LRP1B: variants seen among roughly 807,000 people sequenced by gnomAD.
LRP1B encodes LDL receptor related protein 1B, also known as low-density lipoprotein receptor-related protein 1B.
In LRP1B, 217 loss-of-function variants were observed where a neutral mutation model predicts 556.6. That is an observed-to-expected ratio of 0.39 (90% confidence interval 0.35 to 0.44). The LOEUF is 0.44. Ranked by LOEUF, LRP1B falls within the 20% of genes least tolerant of loss-of-function variation. LRP1B has a pLI of 1.00. For missense variants in LRP1B, 5,053 were observed against 5,620.8 expected (o/e 0.90, Z 3.23); for synonymous variants, 2,047 against 1,865.8 (o/e 1.10, Z -2.50).
At chr2:140,927,049 T>C (rs1694906999) in intron 20 of LRP1B, among the ~76,000 whole-genome samples, 1 of 152,206 alleles carries the variant, frequency 6.6e-6, no homozygotes, top group South Asian at 2.1e-4. Flanking sequence ...CTCACACCTG[T>C]ACTTCCAGCA....
At chr2:141,351,586 G>A (rs1195155890) in intron 3 of LRP1B, among the ~76,000 whole-genome samples, 7 of 151,900 alleles carry the variant, frequency 4.6e-5, no homozygotes. Context: ...AGTCATTCAT[G>A]TATCAAATGT....
chr2:141,418,835 A>AT (rs1330506971), intron 3 of LRP1B, among the ~76,000 whole-genome samples: 5 of 151,974 alleles, frequency 3.3e-5, no homozygotes, highest in Admixed American at 6.5e-5. Flanking sequence ...TAGTATGGAC[A>AT]TTTTCACAGT....
intron 2 of LRP1B, among the ~76,000 whole-genome samples, chr2:141,609,257 G>A (rs1235509423): frequency 2.0e-5 from 3 of 152,110 alleles, no homozygotes; most frequent in Admixed American, 1.3e-4. Context: ...ACACTATTAC[G>A]TAGTGTTTCC....
At chr2:142,125,834 C>A (rs144119592) in intron 1 of LRP1B, among the ~76,000 whole-genome samples, 1 of 151,840 alleles carries the variant, frequency 6.6e-6, no homozygotes, top group African/African-American at 2.4e-5. Flanking sequence ...ACTCTCCCCC[C>A]TCCTCTGCCA....
chr2:141,074,929 G>T (rs1461221711), intron 7 of LRP1B, among the ~76,000 whole-genome samples: 1 of 151,954 alleles, frequency 6.6e-6, no homozygotes, highest in East Asian at 1.9e-4. Context: ...GATTAGTTCA[G>T]GGTTAGATTT....
At chr2:140,540,391 A>C (rs543355666) in intron 45 of LRP1B, among the ~76,000 whole-genome samples, 49 of 152,208 alleles carry the variant, frequency 3.2e-4, no homozygotes, top group African/African-American at 1.1e-3. Flanking sequence ...TATTTTGGAA[A>C]CAGTTTTGGA....
chr2:140,409,428 A>G (rs1258300763), intron 66 of LRP1B, among the ~76,000 whole-genome samples: 1 of 152,042 alleles, frequency 6.6e-6, no homozygotes, highest in African/African-American at 2.4e-5. Context: ...AGATTTATTG[A>G]TGAAAAGTAA....
chr2:141,867,679 A>C (rs1170301680), intron 1 of LRP1B, among the ~76,000 whole-genome samples: 2 of 152,174 alleles, frequency 1.3e-5, no homozygotes, highest in African/African-American at 2.4e-5. Context: ...TTATTGATAC[A>C]ACAATAACTA....
chr2:140,815,423 C>A (rs1691081541), intron 31 of LRP1B, among the ~76,000 whole-genome samples: 2 of 152,164 alleles, frequency 1.3e-5, no homozygotes, highest in Admixed American at 1.3e-4. Context: ...CCTCCCACCT[C>A]AACCTCCTGA....
chr2:142,059,937 C>T (rs1332535348), intron 1 of LRP1B, among the ~76,000 whole-genome samples: 2 of 151,928 alleles, frequency 1.3e-5, no homozygotes, highest in Non-Finnish European at 1.5e-5. Flanking sequence ...GTGTTGAATG[C>T]CTTAACCACA....
chr2:140,865,584 T>C (rs1692923858), intron 27 of LRP1B, among the ~76,000 whole-genome samples: 1 of 152,056 alleles, frequency 6.6e-6, no homozygotes, highest in Admixed American at 6.6e-5. Flanking sequence ...GATTATTATA[T>C]GCTCAGTGAT....
intron 68 of LRP1B, among the ~76,000 whole-genome samples, chr2:140,373,751 C>T (rs1265021064): frequency 1.3e-5 from 2 of 152,004 alleles, no homozygotes; most frequent in South Asian, 2.1e-4. Flanking sequence ...CCACTGCACT[C>T]GAGTCTAGGC....
chr2:140,272,730 AC>A (rs1173352489), intron 85 of LRP1B, among the ~76,000 whole-genome samples: 1 of 152,000 alleles, frequency 6.6e-6, no homozygotes, highest in Non-Finnish European at 1.5e-5. Flanking sequence ...ATAAAAATGA[AC>A]TTTAATCATC....
intron 79 of LRP1B, among the ~76,000 whole-genome samples, chr2:140,331,783 C>T (rs1680829288): frequency 6.6e-6 from 1 of 151,502 alleles, no homozygotes; most frequent in Non-Finnish European, 1.5e-5. Flanking sequence ...ACAATTTCCG[C>T]CTCCTGGGTT....
rs183658870 is a variant in LRP1B, at chr2:140,613,340, C to A, written c.6800-11701G>T. Among the ~76,000 whole-genome samples the A allele has an allele frequency of 1.1e-3, 106 of 93,514 alleles. 7 individuals carry two copies. Among genetic ancestry groups the A allele is most frequent in the African/African-American group, 2.7e-3 (86 of 31,282 alleles). The allele number at this position is 93,514 out of a possible 152,430, so 61.3% of individuals were successfully genotyped here. On this transcript the variant is annotated intron_variant, in intron 41 of 90. Coordinates refer to ENST00000389484, the MANE Select transcript of LRP1B (RefSeq NM_018557.3). ...TTATATAAATATATATAATTATATA[C>A]ATATAAATATAAATAATTATATAAA...
At chr2:141,152,573 A>G (rs895348091) in intron 7 of LRP1B, among the ~76,000 whole-genome samples, 1 of 151,970 alleles carries the variant, frequency 6.6e-6, no homozygotes, top group Non-Finnish European at 1.5e-5. Context: ...ATGAGAATGT[A>G]TACACCCTGG....
intron 79 of LRP1B, among the ~76,000 whole-genome samples, chr2:140,330,512 C>A (rs770309700): frequency 9.9e-5 from 15 of 151,986 alleles, no homozygotes; most frequent in Non-Finnish European, 2.2e-4. Context: ...GGAGAACTGG[C>A]TAGCCATATG....
At chr2:141,706,743 G>A (rs1478562190) in intron 2 of LRP1B, among the ~76,000 whole-genome samples, 10 of 151,608 alleles carry the variant, frequency 6.6e-5, no homozygotes, top group Non-Finnish European at 2.9e-5. Context: ...AAAAAAGTAT[G>A]GATTATGTAA....
chr2:140,975,171 G>A (rs1696555094), intron 18 of LRP1B, among the ~76,000 whole-genome samples: 1 of 152,218 alleles, frequency 6.6e-6, no homozygotes, highest in South Asian at 2.1e-4. Flanking sequence ...TTAAGGCTAT[G>A]AGATATACAT....
Sources: gnomAD v4.1 joint callset for allele counts (sites outside exome capture counted in the v4.1 genomes callset) on GRCh38, gnomAD v4.1.1 for gene constraint, MANE v1.5 for transcripts, NCBI Gene and HGNC (gene_info 2026-07-23, HGNC 2026-07-21) for gene names.